KANSL1: variants seen among roughly 807,000 people sequenced by gnomAD.
The protein encoded by KANSL1 is MLL1/MLL complex subunit KANSL1.
Under a neutral mutation model 103.6 loss-of-function variants are expected in KANSL1, and 22 were observed. The ratio of observed to expected loss-of-function variants is 0.21; its 90% CI spans 0.15 to 0.30. The LOEUF (loss-of-function observed/expected upper bound fraction) is 0.30. Among genes scored for constraint, KANSL1 ranks in the 10% least tolerant of loss-of-function variants. The pLI, the probability that KANSL1 is intolerant of heterozygous loss-of-function variation, is 1.00. For missense variants in KANSL1, 1,337 were observed against 1,399.8 expected (o/e 0.96, Z 0.72); for synonymous variants, 600 against 527.6 (o/e 1.14, Z -1.88).
At chr17:46,184,515 G>A (rs1164565715) in intron 1 of KANSL1, among the ~76,000 whole-genome samples, 1 of 152,224 alleles carries the variant, frequency 6.6e-6, no homozygotes, top group Non-Finnish European at 1.5e-5. Context: ...ACTGACTCTA[G>A]AGTAAGGATG....
At chr17:46,146,261 C>T (rs201021841) in intron 2 of KANSL1, among the ~76,000 whole-genome samples, 11 of 152,198 alleles carry the variant, frequency 7.2e-5, no homozygotes, top group Non-Finnish European at 1.5e-4. Context: ...AGAACTTTCA[C>T]GCACTCATTT....
intron 2 of KANSL1, among the ~76,000 whole-genome samples, chr17:46,110,334 G>A (rs1450523081): frequency 6.6e-6 from 1 of 152,184 alleles, no homozygotes; most frequent in Non-Finnish European, 1.5e-5. Flanking sequence ...CAAATGAAGT[G>A]CTTACTCCAT....
At chr17:46,153,459 G>A (rs553123127) in intron 2 of KANSL1, among the ~76,000 whole-genome samples, 1 of 152,304 alleles carries the variant, frequency 6.6e-6, no homozygotes, top group African/African-American at 2.4e-5. Context: ...TAAAGCCACA[G>A]AAACATATTC....
chr17:46,186,200 C>T (rs1381553599), intron 1 of KANSL1, among the ~76,000 whole-genome samples: 1 of 150,718 alleles, frequency 6.6e-6, no homozygotes, highest in African/African-American at 2.4e-5. Context: ...ACAGTGAAAC[C>T]CCGTCTCTAC....
chr17:46,076,368 C>T (rs1025227115), intron 4 of KANSL1, among the ~76,000 whole-genome samples: 14 of 151,894 alleles, frequency 9.2e-5, no homozygotes, highest in Admixed American at 2.6e-4. Context: ...TGGTGGCACA[C>T]GCCTGTAATC....
intron 6 of KANSL1, among the ~76,000 whole-genome samples, chr17:46,053,823 C>A (rs938324517): frequency 6.6e-6 from 1 of 152,084 alleles, no homozygotes; most frequent in Non-Finnish European, 1.5e-5. Context: ...CAAATCCACA[C>A]CAAGAATCTA....
chr17:46,113,635 C>CA lies in KANSL1; in HGVS notation c.1290-18935_1290-18934insT, dbSNP rs1567689551. The stretch of plus-strand genomic sequence containing the variant: ...TCATCCAAAAAACTCATGAGTTGGA[C>CA]TAAAAAAAAAACAAAAAAACCTACG... On this transcript the variant is annotated intron_variant, in intron 2 of 14. Coordinates refer to ENST00000432791, the MANE Select transcript of KANSL1 (RefSeq NM_015443.4). Among the ~76,000 whole-genome samples the CA allele has an allele frequency of 3.7e-4, 53 of 143,544 alleles. No homozygotes were observed. The East Asian group carries it at 0.012, about 34-fold the overall frequency. The allele number at this position is 143,544 out of a possible 152,430, so 94.2% of individuals were successfully genotyped here. A position where few individuals can be genotyped will look rare whatever the true frequency, so the allele number is the denominator to read the frequency against.
rs563075142 is a variant in KANSL1, at chr17:46,087,412, T to A, written c.1432-4870A>T. ...AGGATGAAAACAGCTAAAAAGAGGC[T>A]GAGCAAATAAAAAGCATCCAAGTAG... On this transcript the variant is annotated intron_variant, in intron 3 of 14. Coordinates refer to ENST00000432791, the MANE Select transcript of KANSL1 (RefSeq NM_015443.4). 6.6e-5 allele frequency among the ~76,000 whole-genome samples: 10 copies of A among 152,256 alleles called. 1 individual carries two copies. The South Asian group carries it at 1.2e-3, about 19-fold the overall frequency.
At chr17:46,225,102 C>T (rs190305733), upstream of KANSL1, among the ~76,000 whole-genome samples, 1 of 151,900 alleles carries the variant, frequency 6.6e-6, no homozygotes, top group East Asian at 1.9e-4. Context: ...CGAGTGGGCG[C>T]TGGGCGGGGG....
intron 1 of KANSL1, among the ~76,000 whole-genome samples, chr17:46,182,106 C>T (rs995300939): frequency 1.3e-5 from 2 of 152,188 alleles, no homozygotes; most frequent in African/African-American, 4.8e-5. Context: ...CTTTAGCGTG[C>T]TAACTTTATC....
intron 10 of KANSL1, 30 bp downstream of exon 10, chr17:46,038,508 G>GTGT: frequency 6.2e-7 from 1 of 1,610,664 alleles, no homozygotes. Flanking sequence ...TGCAGAGGGG[G>GTGT]TGTCCGGCCA....
chr17:46,194,938 A>G (rs913443215), upstream of KANSL1, among the ~76,000 whole-genome samples: 1 of 152,252 alleles, frequency 6.6e-6, no homozygotes, highest in African/African-American at 2.4e-5. Flanking sequence ...TCTCAAGCAT[A>G]GTCATAGTTC....
chr17:46,097,372 G>C (rs2042131054), intron 2 of KANSL1, among the ~76,000 whole-genome samples: 1 of 152,080 alleles, frequency 6.6e-6, no homozygotes, highest in African/African-American at 2.4e-5. Context: ...CTCAACAATG[G>C]GGAATGCAAA....
intron 9 of KANSL1, 42 bp downstream of exon 9, chr17:46,038,985 C>T (rs777967674): frequency 1.3e-6 from 2 of 1,588,144 alleles, no homozygotes; most frequent in African/African-American, 1.4e-5. Flanking sequence ...AAGCCCTGAG[C>T]AGGTGCAGTT....
chr17:46,077,835 G>T (rs1210414558), intron 4 of KANSL1, among the ~76,000 whole-genome samples: 1 of 152,166 alleles, frequency 6.6e-6, no homozygotes, highest in African/African-American at 2.4e-5. Context: ...TGGGATTACA[G>T]GCATGAGCCA....
upstream of KANSL1, among the ~76,000 whole-genome samples, chr17:46,198,266 C>T (rs1241749330): frequency 1.3e-5 from 2 of 151,966 alleles, no homozygotes; most frequent in African/African-American, 4.8e-5. Context: ...GTAATACCAC[C>T]TACCTCTTAA....
chr17:46,128,407 G>A (rs2043679826), intron 2 of KANSL1, among the ~76,000 whole-genome samples: 1 of 152,062 alleles, frequency 6.6e-6, no homozygotes, highest in African/African-American at 2.4e-5. Context: ...CTAACAGGAG[G>A]AAATTCACAT....
intron 14 of KANSL1, 90 bp downstream of exon 14, chr17:46,031,957 G>A: frequency 1.3e-6 from 2 of 1,571,412 alleles, no homozygotes; most frequent in Non-Finnish European, 8.7e-7. Context: ...AAGGGGGAGG[G>A]GATGGCTAGG....
chr17:46,058,741 ACACTCTCTCTCTCTCTCTCTCTCTCT>A (rs1475978346), intron 6 of KANSL1, among the ~76,000 whole-genome samples: 65 of 73,592 alleles, frequency 8.8e-4, no homozygotes, highest in African/African-American at 1.8e-3. Flanking sequence ...ACACACACAC[ACACTCTCTCTCTCTCTCTCTCTCTCT>A]CTCTCTCTCT....
Sources: gnomAD v4.1 joint callset for allele counts (sites outside exome capture counted in the v4.1 genomes callset) on GRCh38, gnomAD v4.1.1 for gene constraint, MANE v1.5 for transcripts, NCBI Gene and HGNC (gene_info 2026-07-23, HGNC 2026-07-21) for gene names.